Variants in NRG3 observed in about 807,000 individuals in gnomAD.
NRG3 encodes the protein neuregulin 3, also known as pro-neuregulin-3, membrane-bound isoform.
Under a neutral mutation model 66.9 loss-of-function variants are expected in NRG3, and 31 were observed. The ratio of observed to expected loss-of-function variants is 0.46; its 90% CI spans 0.35 to 0.63. The LOEUF is 0.63. Among genes scored for constraint, NRG3 ranks in the 20% least tolerant of loss-of-function variants. The pLI, the probability that NRG3 is intolerant of heterozygous loss-of-function variation, is 0.00. For synonymous variants in NRG3, 393 were observed against 359.4 expected, an observed-to-expected ratio of 1.09 and a Z score of -1.06; for missense variants, 910 against 878.9, an observed-to-expected ratio of 1.04 and a Z score of -0.45.
intron 3 of NRG3, among the ~76,000 whole-genome samples, chr10:82,777,495 C>A (rs924017483): frequency 5.9e-5 from 9 of 152,138 alleles, no homozygotes; most frequent in Non-Finnish European, 1.5e-5. Flanking sequence ...CAGGTTCATT[C>A]TCTGAGGTGC....
intron 1 of NRG3, among the ~76,000 whole-genome samples, chr10:82,328,503 G>T (rs184036007): frequency 6.6e-6 from 1 of 152,256 alleles, no homozygotes; most frequent in Admixed American, 6.5e-5. Context: ...TTTACTGATT[G>T]GTTGGCCAAC....
At chr10:82,721,477 C>T (rs2134513562) in intron 2 of NRG3, among the ~76,000 whole-genome samples, 1 of 150,946 alleles carries the variant, frequency 6.6e-6, no homozygotes, top group East Asian at 2.0e-4. Flanking sequence ...GGCTGGAGTG[C>T]AATGGCACGA....
intron 2 of NRG3, among the ~76,000 whole-genome samples, chr10:82,662,830 C>T (rs1354273738): frequency 6.6e-6 from 1 of 152,156 alleles, no homozygotes; most frequent in Non-Finnish European, 1.5e-5. Flanking sequence ...TCCATAAAAC[C>T]TTTGAGGCCA....
chr10:82,280,642 T>A (rs888030833), intron 1 of NRG3, among the ~76,000 whole-genome samples: 2 of 152,142 alleles, frequency 1.3e-5, no homozygotes, highest in Non-Finnish European at 2.9e-5. Context: ...CTTTGGACAC[T>A]CTCCTTGACC....
At chr10:82,918,063 T>G (rs1376915646) in intron 4 of NRG3, among the ~76,000 whole-genome samples, 1 of 151,090 alleles carries the variant, frequency 6.6e-6, no homozygotes, top group East Asian at 1.9e-4. Flanking sequence ...TTCCTGGGAT[T>G]TGTCTTAAAA....
At chr10:82,267,355 A>G (rs1301969079) in intron 1 of NRG3, among the ~76,000 whole-genome samples, 2 of 152,180 alleles carry the variant, frequency 1.3e-5, no homozygotes, top group Admixed American at 6.6e-5. Context: ...AGGCCTGGGT[A>G]TCCATAACAC....
chr10:82,401,852 T>A (rs1236286014), intron 2 of NRG3, among the ~76,000 whole-genome samples: 1 of 152,106 alleles, frequency 6.6e-6, no homozygotes, highest in African/African-American at 2.4e-5. Context: ...AAATCAGATA[T>A]CGTAATTAAT....
intron 1 of NRG3, among the ~76,000 whole-genome samples, chr10:82,208,156 G>T (rs2133589188): frequency 6.6e-6 from 1 of 152,166 alleles, no homozygotes; most frequent in Admixed American, 6.6e-5. Flanking sequence ...TATATGAAAT[G>T]ATTTAAAAAG....
rs76494945 is a variant in NRG3, at chr10:82,146,744, C to G, written c.824-211995C>G. Among the ~76,000 whole-genome samples the G allele has an allele frequency of 2.6e-3, 397 of 152,134 alleles. 2 individuals are homozygous for G. The highest frequency in any genetic ancestry group is 9.2e-3 in the African/African-American group (381 of 41,512). ...GAGAGTAACCCATTACCTGTCTGGC[C>G]TAAGCTTGTTATGATCTGACAGATG... On this transcript the variant is annotated intron_variant, in intron 1 of 8. Coordinates refer to ENST00000372141, the MANE Select transcript of NRG3 (RefSeq NM_001010848.4).
chr10:82,595,514 G>A (rs1349973351), intron 2 of NRG3, among the ~76,000 whole-genome samples: 4 of 152,104 alleles, frequency 2.6e-5, no homozygotes, highest in Non-Finnish European at 5.9e-5. Flanking sequence ...GGCCAGGCGC[G>A]ATGGCCCACA....
At chr10:82,873,680 C>T (rs1841544907) in intron 4 of NRG3, among the ~76,000 whole-genome samples, 1 of 152,098 alleles carries the variant, frequency 6.6e-6, no homozygotes, top group Non-Finnish European at 1.5e-5. Context: ...ATGTTCCAGG[C>T]ATCAAAGATG....
intron 1 of NRG3, among the ~76,000 whole-genome samples, chr10:81,917,093 T>G (rs1270025884): frequency 1.3e-5 from 2 of 152,176 alleles, no homozygotes; most frequent in African/African-American, 4.8e-5. Flanking sequence ...AAATAACTAG[T>G]CAGAGATTAA....
intron 1 of NRG3, among the ~76,000 whole-genome samples, chr10:82,121,158 C>T (rs1266897151): frequency 6.6e-6 from 1 of 152,046 alleles, no homozygotes; most frequent in Non-Finnish European, 1.5e-5. Flanking sequence ...TCCAGTAAAC[C>T]CTAGATTCCA....
intron 1 of NRG3, among the ~76,000 whole-genome samples, chr10:82,065,480 G>A (rs571936968): frequency 1.6e-4 from 25 of 152,182 alleles, no homozygotes; most frequent in African/African-American, 6.0e-4. Flanking sequence ...GTGTCACTGG[G>A]AAGGATTCAC....
intron 4 of NRG3, among the ~76,000 whole-genome samples, chr10:82,872,466 A>T (rs1373720305): frequency 6.6e-6 from 1 of 152,158 alleles, no homozygotes; most frequent in Non-Finnish European, 1.5e-5. Context: ...CTTACTGATC[A>T]GTCTCAAAAC....
At chr10:82,575,522 G>A (rs1289552201) in intron 2 of NRG3, among the ~76,000 whole-genome samples, 1 of 151,630 alleles carries the variant, frequency 6.6e-6, no homozygotes, top group African/African-American at 2.4e-5. Flanking sequence ...TTATTCTGAA[G>A]GCAGTGAAGA....
At chr10:81,905,498 A>C (rs559464276) in intron 1 of NRG3, among the ~76,000 whole-genome samples, 1 of 152,290 alleles carries the variant, frequency 6.6e-6, no homozygotes, top group Admixed American at 6.5e-5. Flanking sequence ...GAGTTGAAAA[A>C]CAATATTTTC....
At chr10:81,997,016 G>T (rs2060964857) in intron 1 of NRG3, among the ~76,000 whole-genome samples, 1 of 152,092 alleles carries the variant, frequency 6.6e-6, no homozygotes. Context: ...AGGTTTCTGT[G>T]ACTAGCCAAG....
intron 2 of NRG3, among the ~76,000 whole-genome samples, chr10:82,583,413 G>A (rs2046477991): frequency 2.0e-5 from 3 of 152,126 alleles, no homozygotes; most frequent in Non-Finnish European, 2.9e-5. Flanking sequence ...AAATTGTTAA[G>A]TAGAGTATTG....
Sources: gnomAD v4.1 joint callset for allele counts (sites outside exome capture counted in the v4.1 genomes callset) on GRCh38, gnomAD v4.1.1 for gene constraint, MANE v1.5 for transcripts, NCBI Gene and HGNC (gene_info 2026-07-23, HGNC 2026-07-21) for gene names.